Variants in ANK3 observed in about 807,000 individuals in gnomAD.
The protein encoded by ANK3 is ankyrin-3.
Under a neutral mutation model 370.9 loss-of-function variants are expected in ANK3, and 57 were observed. That is an observed-to-expected ratio of 0.15 (90% CI 0.12 to 0.19). The LOEUF is 0.19. ANK3 is among the 10% of genes least tolerant of loss of function. The probability of loss-of-function intolerance (pLI) is 1.00; values close to 1 mark genes in which losing one functional copy is unlikely to be tolerated. For missense variants in ANK3, 4,439 were observed against 5,302.1 expected, an observed-to-expected ratio of 0.84 and a Z score of 5.06; for synonymous variants, 1,929 against 1,946.3, an observed-to-expected ratio of 0.99 and a Z score of 0.23.
chr10:60,683,761 C>T (rs149408350), intron 1 of ANK3, among the ~76,000 whole-genome samples: 262 of 152,240 alleles, frequency 1.7e-3, no homozygotes, highest in African/African-American at 5.9e-3. Flanking sequence ...TTTAAGTTGC[C>T]GAGCCAGAAC....
In ANK3 at chr10:60,278,869, C is replaced by T. The variant is rs1485831548; in HGVS notation, c.319G>A (p.Gly107Arg). The change falls in exon 4 of 44, where the codon GGA becomes AGA. Residue 107 changes from glycine to arginine, a missense_variant. Physicochemically the swap from Gly to Arg is moderately radical, Grantham distance 125. This residue lies in a region of ANK3 where 136 missense variants were observed against 230.5 expected (regional missense o/e 0.59). Coordinates refer to ENST00000280772, the MANE Select transcript of ANK3 (RefSeq NM_020987.5). ...EANVDAATKK[G>R]NTALHIASLA... ...GATGCGATGTGCAATGCTGTGTTTC[C>T]TTTCTGTGAAATGAAAGTCAAGATA... 6.2e-7 allele frequency: 1 copy of T among 1,613,440 alleles called. No homozygotes were observed. The highest frequency in any genetic ancestry group is 8.5e-7 in the Non-Finnish European group (1 of 1,179,504).
chr10:60,358,604 C>T (rs2058145380), intron 1 of ANK3, among the ~76,000 whole-genome samples: 1 of 152,202 alleles, frequency 6.6e-6, no homozygotes, highest in African/African-American at 2.4e-5. Flanking sequence ...ATGGCTGTCT[C>T]ATGTCTCAGA....
At chr10:60,716,197 T>A (rs2079785389) in intron 1 of ANK3, among the ~76,000 whole-genome samples, 1 of 141,984 alleles carries the variant, frequency 7.0e-6, no homozygotes, top group South Asian at 2.4e-4. Flanking sequence ...TTAAAAAAAA[T>A]GTCGTTCTAG....
At chr10:60,656,839 C>T (rs1034144727) in intron 1 of ANK3, among the ~76,000 whole-genome samples, 1 of 152,000 alleles carries the variant, frequency 6.6e-6, no homozygotes, top group Admixed American at 6.6e-5. Context: ...CTCACTGCAG[C>T]CTTGATCTCC....
chr10:60,073,334 G>C lies in ANK3; in HGVS notation c.7547C>G (p.Ser2516Cys). ...IATAPKKEIL[S>C]KIYKDVSENG... ...TTCAGAAACATCTTTATAGATTTTG[G>C]AGAGAATTTCTTTTTTGGGGGCAGT... Residue 2516 changes from serine (S) to cysteine (C), a missense_variant, in exon 37 of 44, where the codon TCC (serine) becomes TGC (cysteine). Physicochemically the swap from Ser to Cys is moderately radical, Grantham distance 112. This residue lies in a region of ANK3 where 1,601 missense variants were observed against 1,731.7 expected (regional missense o/e 0.92). Transcript: ENST00000280772. The C allele has an allele frequency of 6.2e-7, 1 of 1,613,938 alleles. No homozygotes were observed. The highest frequency in any genetic ancestry group is 1.3e-5 in the African/African-American group (1 of 75,014).
intron 7 of ANK3, among the ~76,000 whole-genome samples, chr10:60,244,146 A>G (rs1171141296): frequency 6.6e-6 from 1 of 152,210 alleles, no homozygotes. Context: ...TCATGAAATA[A>G]TCATCAAAAC....
At position 60,114,314 on chromosome 10, in the gene ANK3, C is replaced by G; in HGVS notation, c.2859G>C (p.Arg953Ser). Residue 953 changes from arginine to serine, a missense_variant, in exon 26 of 44, where the codon AGG becomes AGC. Transcript: ENST00000280772. ...PSKEQHLTFT[R>S]EFDSDSLRHY... Reference sequence around the variant, plus strand: ...GTCTAAGAGAATCTGAATCAAATTCCCTTGTGAATGTTAGATGCTGAAAAA... The same window carrying G: ...GTCTAAGAGAATCTGAATCAAATTCGCTTGTGAATGTTAGATGCTGAAAAA... 6.2e-7 allele frequency: 1 copy of G among 1,600,126 alleles called. No individual in the cohort carries two copies. The highest frequency in any genetic ancestry group is 1.1e-5 in the South Asian group (1 of 89,314).
chr10:60,557,753 AGAGGG>A, intron 2 of ANK3, among the ~76,000 whole-genome samples: 1 of 152,294 alleles, frequency 6.6e-6, no homozygotes, highest in East Asian at 1.9e-4. Context: ...AAAATGCCCC[AGAGGG>A]AAATTCTATA....
intron 1 of ANK3, among the ~76,000 whole-genome samples, chr10:60,732,436 G>A (rs1405094845): frequency 6.6e-6 from 1 of 152,232 alleles, no homozygotes; most frequent in African/African-American, 2.4e-5. Flanking sequence ...GCTGAGGGGT[G>A]TGGGGTGGGA....
At chr10:60,131,688 C>T (rs1192120128) in intron 25 of ANK3, among the ~76,000 whole-genome samples, 2 of 152,066 alleles carry the variant, frequency 1.3e-5, no homozygotes, top group Non-Finnish European at 2.9e-5. Flanking sequence ...CCTCAGAAGC[C>T]ATTTTATAGC....
At chr10:60,180,940 A>G (rs917833585) in intron 18 of ANK3, among the ~76,000 whole-genome samples, 16 of 152,188 alleles carry the variant, frequency 1.1e-4, no homozygotes, top group Non-Finnish European at 1.9e-4. Context: ...TTCATAAATC[A>G]TGCTGAACGA....
chr10:60,221,431 T>C (rs1018425491), intron 8 of ANK3, among the ~76,000 whole-genome samples: 1 of 152,156 alleles, frequency 6.6e-6, no homozygotes, highest in Non-Finnish European at 1.5e-5. Context: ...GTCAGACATA[T>C]TGCAGATTAA....
chr10:60,204,053 C>A lies in ANK3; in HGVS notation c.1294-953G>T, dbSNP rs967844090. On this transcript the variant is annotated intron_variant, in intron 11 of 43. Transcript: ENST00000280772. The stretch of plus-strand genomic sequence containing the variant: ...AAAGGGACAGAAGGGGATAATTAAT[C>A]TCAGCAGAAATTTGAGAAATGTCAA... Among the ~76,000 whole-genome samples, 3 of 152,020 alleles carry A rather than the reference C, an allele frequency of 2.0e-5. No individual in the cohort carries two copies. In the South Asian group the frequency reaches 6.2e-4, roughly 32 times the overall value.
intron 1 of ANK3, among the ~76,000 whole-genome samples, chr10:60,317,920 G>A (rs190595475): frequency 1.5e-3 from 221 of 152,020 alleles, no homozygotes; most frequent in African/African-American, 5.1e-3. Context: ...GTTTCACTGC[G>A]TTAGCCAGGA....
At chr10:60,147,572 G>A (rs1269466105) in intron 23 of ANK3, among the ~76,000 whole-genome samples, 2 of 152,162 alleles carry the variant, frequency 1.3e-5, no homozygotes. Flanking sequence ...GGGGCCTGGT[G>A]GGAGGTGGTT....
intron 1 of ANK3, among the ~76,000 whole-genome samples, chr10:60,708,826 T>C (rs2079657144): frequency 6.6e-6 from 1 of 152,142 alleles, no homozygotes; most frequent in African/African-American, 2.4e-5. Flanking sequence ...TTCTGTGTAA[T>C]AACAGGAAAT....
In ANK3 at chr10:60,262,097, T is replaced by C. The variant is rs1207575277; in HGVS notation, c.700-140A>G. On this transcript the variant is annotated intron_variant, in intron 6 of 43. Transcript: ENST00000280772. The stretch of plus-strand genomic sequence containing the variant: ...TGTTCCATTCTGTACTAGGTTTCGA[T>C]CAGTGCCAATTGCTCACAGGGTTTC... 11 of 671,070 alleles carry C rather than the reference T, an allele frequency of 1.6e-5. No individual in the cohort carries two copies. The East Asian group carries it at 2.8e-4, about 17-fold the overall frequency. The allele number at this position is 671,070 out of a possible 1,614,324, so 41.6% of individuals were successfully genotyped here.
rs191911326 is a variant in ANK3, at chr10:60,715,200, T to C, written c.57+18063A>G. ...AATTTGGTACAAATTCTATTATATATATTTACATATACAAATGTGTGTGTG... is the reference window on the plus strand; with the variant it reads ...AATTTGGTACAAATTCTATTATATACATTTACATATACAAATGTGTGTGTG... On this transcript the variant is annotated intron_variant, in intron 1 of 43. Coordinates refer to the ANK3 transcript ENST00000373827. 4.5e-4 allele frequency among the ~76,000 whole-genome samples: 60 copies of C among 133,598 alleles called. No homozygotes were observed. In the East Asian group the frequency reaches 5.6e-3, roughly 12 times the overall value. 87.6% of individuals were successfully genotyped at this position (133,598 alleles called of 152,430 possible).
intron 1 of ANK3, among the ~76,000 whole-genome samples, chr10:60,326,671 C>T (rs1335235562): frequency 6.6e-6 from 1 of 152,104 alleles, no homozygotes; most frequent in African/African-American, 2.4e-5. Flanking sequence ...CCTACTGACA[C>T]TCAGTGATTT....
Sources: allele counts gnomAD v4.1 joint callset (sites outside exome capture counted in the v4.1 genomes callset), GRCh38; gene constraint gnomAD v4.1.1; regional missense constraint gnomAD v4.1.1; transcripts MANE v1.5; gene names NCBI Gene and HGNC (gene_info 2026-07-23, HGNC 2026-07-21).